Variants in CNTNAP4 observed in about 807,000 individuals in gnomAD.
CNTNAP4 encodes contactin associated protein family member 4, also known as contactin-associated protein-like 4.
Under a neutral mutation model 148.4 loss-of-function variants are expected in CNTNAP4, and 98 were observed. The ratio of observed to expected loss-of-function variants is 0.66; its 90% CI spans 0.56 to 0.78. The LOEUF is 0.78. CNTNAP4 is among the 30% of genes least tolerant of loss of function. The probability of loss-of-function intolerance (pLI) is 0.00; values close to 1 mark genes in which losing one functional copy is unlikely to be tolerated. For missense variants in CNTNAP4, 1,935 were observed against 1,565.6 expected (o/e 1.24, Z -3.98); for synonymous variants, 730 against 565.1 (o/e 1.29, Z -4.14).
Position 76,467,542 on chromosome 16 carries a change from C to T in CNTNAP4, c.1655+19C>T. On this transcript the variant is annotated intron_variant, in intron 10 of 23. Coordinates refer to ENST00000611870, the MANE Select transcript of CNTNAP4 (RefSeq NM_033401.5). Reference sequence around the variant, plus strand: ...CAGACAGGTAAGGGCAATCTCACTTCATTTTGACCTGCTTTCAAACTTTGG... The same window carrying T: ...CAGACAGGTAAGGGCAATCTCACTTTATTTTGACCTGCTTTCAAACTTTGG... 1 of 1,560,910 alleles carries T rather than the reference C, an allele frequency of 6.4e-7. No homozygotes were observed. Among genetic ancestry groups the T allele is most frequent in the Non-Finnish European group, 8.6e-7 (1 of 1,156,226 alleles).
chr16:76,307,517 T>TATATATATATATATATA (rs1555518819), intron 1 of CNTNAP4, among the ~76,000 whole-genome samples: 1 of 116,320 alleles, frequency 8.6e-6, no homozygotes, highest in East Asian at 3.0e-4. Context: ...TATATATATA[T>TATATATATATATATATA]ATATATATAT....
At chr16:76,399,123 C>T (rs2340432) in intron 3 of CNTNAP4, among the ~76,000 whole-genome samples, 72,029 of 151,874 alleles carry the variant, frequency 0.47, 17,560 homozygotes, top group Middle Eastern at 0.65. Flanking sequence ...GATTGTGAGG[C>T]CTCCCCAGCC....
At chr16:76,337,180 A>C (rs1164153979) in intron 2 of CNTNAP4, among the ~76,000 whole-genome samples, 1 of 152,208 alleles carries the variant, frequency 6.6e-6, no homozygotes, top group African/African-American at 2.4e-5. Flanking sequence ...ATGTGTACCA[A>C]ACACACACTA....
chr16:76,445,345 C>G (rs1208687484), intron 4 of CNTNAP4, among the ~76,000 whole-genome samples: 2 of 152,096 alleles, frequency 1.3e-5, no homozygotes, highest in Admixed American at 6.6e-5. Context: ...TATTGTCTGT[C>G]TTCACTAAAT....
At chr16:76,437,599 G>A (rs1324464728) in intron 4 of CNTNAP4, among the ~76,000 whole-genome samples, 1 of 152,060 alleles carries the variant, frequency 6.6e-6, no homozygotes, top group Non-Finnish European at 1.5e-5. Context: ...AATAATAATT[G>A]AAAAAGCCCC....
At chr16:76,533,182 C>G (rs575623474) in intron 17 of CNTNAP4, among the ~76,000 whole-genome samples, 1 of 152,150 alleles carries the variant, frequency 6.6e-6, no homozygotes, top group African/African-American at 2.4e-5. Context: ...TCCTGTCACT[C>G]ACAGCAACAT....
At chr16:76,539,873 G>A in intron 20 of CNTNAP4, 21 bp downstream of exon 20, 1 of 1,535,124 alleles carries the variant, frequency 6.5e-7, no homozygotes, top group Non-Finnish European at 8.7e-7. Context: ...AAATTCAGCA[G>A]AAGCAATCAT....
At chr16:76,480,474 C>A (rs935110857) in intron 12 of CNTNAP4, among the ~76,000 whole-genome samples, 1 of 152,044 alleles carries the variant, frequency 6.6e-6, no homozygotes, top group Non-Finnish European at 1.5e-5. Flanking sequence ...ATAAAATGTT[C>A]ATTGATCACG....
In CNTNAP4 at chr16:76,559,723, CA is replaced by C. The variant is rs1433402074; in HGVS notation, c.*1046del. 6.6e-6 allele frequency among the ~76,000 whole-genome samples: 1 copy of C among 151,958 alleles called. No individual in the cohort carries two copies. Among genetic ancestry groups the C allele is most frequent in the Non-Finnish European group, 1.5e-5 (1 of 67,968 alleles). Reference sequence around the variant, plus strand: ...CTTCACGAATCATCTTATATATTACCAAAAAAGAGACAAATTGAAGTATAGA... The same window carrying C: ...CTTCACGAATCATCTTATATATTACCAAAAAGAGACAAATTGAAGTATAGA... On this transcript the variant is annotated 3_prime_UTR_variant, in exon 24 of 24. Coordinates refer to ENST00000611870, the MANE Select transcript of CNTNAP4 (RefSeq NM_033401.5).
chr16:76,389,351 G>A (rs1336237993), intron 3 of CNTNAP4, among the ~76,000 whole-genome samples: 1 of 152,180 alleles, frequency 6.6e-6, no homozygotes, highest in African/African-American at 2.4e-5. Context: ...TCAAATCAAT[G>A]TCATGGAATT....
chr16:76,550,940 G>C (rs1045182948), intron 21 of CNTNAP4, among the ~76,000 whole-genome samples: 1 of 152,238 alleles, frequency 6.6e-6, no homozygotes, highest in Admixed American at 6.5e-5. Flanking sequence ...AGCAAGGTGG[G>C]TCAGAACATG....
At chr16:76,375,534 C>T (rs948319415) in intron 3 of CNTNAP4, among the ~76,000 whole-genome samples, 4 of 152,208 alleles carry the variant, frequency 2.6e-5, no homozygotes, top group South Asian at 2.1e-4. Flanking sequence ...CGACTTTTCA[C>T]GTTCTAGCAC....
chr16:76,513,185 A>G (rs2083095858), intron 15 of CNTNAP4, among the ~76,000 whole-genome samples: 1 of 152,156 alleles, frequency 6.6e-6, no homozygotes, highest in Non-Finnish European at 1.5e-5. Context: ...AAAATGGAGA[A>G]CACAGGTGAT....
chr16:76,391,861 A>T (rs752590825), intron 3 of CNTNAP4, among the ~76,000 whole-genome samples: 7 of 152,160 alleles, frequency 4.6e-5, no homozygotes, highest in Non-Finnish European at 7.3e-5. Flanking sequence ...TTTTAATACG[A>T]TCCCTGGGTA....
At chr16:76,525,059 C>T (rs749708173) in intron 17 of CNTNAP4, among the ~76,000 whole-genome samples, 7 of 152,094 alleles carry the variant, frequency 4.6e-5, no homozygotes, top group Non-Finnish European at 8.8e-5. Flanking sequence ...TCTTCACCTC[C>T]ACCAGAGTGA....
intron 21 of CNTNAP4, among the ~76,000 whole-genome samples, chr16:76,546,275 G>A (rs1036221115): frequency 5.3e-5 from 8 of 152,076 alleles, no homozygotes; most frequent in Non-Finnish European, 8.8e-5. Context: ...CCTAAACCAC[G>A]GGCCACGGAC....
chr16:76,314,771 A>G (rs1961525047), intron 1 of CNTNAP4, among the ~76,000 whole-genome samples: 1 of 152,046 alleles, frequency 6.6e-6, no homozygotes, highest in Admixed American at 6.6e-5. Context: ...AGATGGTGTC[A>G]CTCTGGTTCT....
chr16:76,476,588 G>C (rs576932724), intron 11 of CNTNAP4, among the ~76,000 whole-genome samples: 125 of 152,256 alleles, frequency 8.2e-4, no homozygotes, highest in Non-Finnish European at 1.2e-3. Flanking sequence ...TCACCATTCT[G>C]GAGGCTGAGA....
intron 7 of CNTNAP4, among the ~76,000 whole-genome samples, chr16:76,451,040 C>T (rs1568223104): frequency 6.6e-6 from 1 of 152,154 alleles, no homozygotes; most frequent in Non-Finnish European, 1.5e-5. Context: ...TAGCCACCAC[C>T]CCTGTGTGTC....
Sources: gnomAD v4.1 joint callset for allele counts (sites outside exome capture counted in the v4.1 genomes callset) on GRCh38, gnomAD v4.1.1 for gene constraint, MANE v1.5 for transcripts, NCBI Gene and HGNC (gene_info 2026-07-23, HGNC 2026-07-21) for gene names.